CEP89: variants seen among roughly 807,000 people sequenced by gnomAD.
The protein encoded by CEP89 is centrosomal protein of 89 kDa.
In CEP89, 95 loss-of-function variants were observed where a neutral mutation model predicts 97.6. The observed-to-expected ratio is 0.97, with a 90% CI of 0.82 to 1.15. CEP89 has a LOEUF of 1.15. Among genes scored for constraint, CEP89 ranks in the 50% most tolerant of loss-of-function variants. CEP89 has a pLI of 0.00. For missense variants in CEP89, 869 were observed against 947.7 expected, an observed-to-expected ratio of 0.92 and a Z score of 1.09; for synonymous variants, 354 against 349.1, an observed-to-expected ratio of 1.01 and a Z score of -0.16.
chr19:32,887,960 G>A, intron 16 of CEP89, 119 bp from the exon 17 acceptor site: 1 of 661,780 alleles, frequency 1.5e-6, no homozygotes, highest in South Asian at 1.8e-5. Flanking sequence ...AACCTGTCCT[G>A]CCTCAACCCC....
chr19:32,944,816 T>G (rs149286935), intron 5 of CEP89, among the ~76,000 whole-genome samples: 90 of 152,144 alleles, frequency 5.9e-4, no homozygotes, highest in Non-Finnish European at 9.9e-4. Context: ...CTCGCTAGAG[T>G]GCAGAGGGAT....
In CEP89 at chr19:32,887,774, C is replaced by T; in HGVS notation, c.1943G>A (p.Gly648Glu). ...NKVIKSNIRL[G>E]KLEEKVKGYK... The stretch of plus-strand genomic sequence containing the variant: ...TACCTTGACTTTTTCCTCTAACTTT[C>T]CCAGGCGAATGTTGCTTTTTATGAC... Residue 648 changes from glycine (G) to glutamate (E), a missense_variant, in exon 17 of 19, where the codon GGA becomes GAA. Transcript: ENST00000305768. 6.2e-7 allele frequency: 1 copy of T among 1,612,498 alleles called. No homozygotes were observed.
At position 32,889,931 on chromosome 19, in the gene CEP89, G is replaced by T. The variant is rs532341720; in HGVS notation, c.1876-2090C>A. 3.9e-5 allele frequency among the ~76,000 whole-genome samples: 6 copies of T among 152,222 alleles called. No homozygotes were observed. In the East Asian group the frequency reaches 1.2e-3, roughly 29 times the overall value. On this transcript the variant is annotated intron_variant, in intron 16 of 18. Coordinates refer to ENST00000305768, the MANE Select transcript of CEP89 (RefSeq NM_032816.5). ...GGCACTTAATGCTACCACAGAGAGT[G>T]CCAGGGTTCAGCTGCCTTTCAGAGG...
chr19:32,914,851 G>C (rs7256095), intron 14 of CEP89, among the ~76,000 whole-genome samples: 1 of 151,536 alleles, frequency 6.6e-6, no homozygotes, highest in African/African-American at 2.4e-5. Flanking sequence ...GTGAAACCCC[G>C]TCTCTACCAA....
chr19:32,954,822 A>G, intron 3 of CEP89, among the ~76,000 whole-genome samples: 3 of 120,270 alleles, frequency 2.5e-5, no homozygotes, highest in Non-Finnish European at 6.3e-5. Context: ...TCGCCACCAC[A>G]CCTGGCTAAT....
chr19:32,908,791 C>T (rs1261445730), intron 14 of CEP89, among the ~76,000 whole-genome samples: 1 of 152,062 alleles, frequency 6.6e-6, no homozygotes, highest in Non-Finnish European at 1.5e-5. Flanking sequence ...GCGCTCACAC[C>T]GGGGGAATGT....
At chr19:32,939,912 AACTT>A in intron 5 of CEP89, 27 bp from the exon 6 acceptor site, 1 of 1,094,788 alleles carries the variant, frequency 9.1e-7, no homozygotes, top group Non-Finnish European at 1.4e-6. Flanking sequence ...GAGAGAGATA[AACTT>A]TTAAAGTAGA....
chr19:32,927,623 G>C lies in CEP89; in HGVS notation c.1030-639C>G, dbSNP rs533470009. 1.6e-4 allele frequency among the ~76,000 whole-genome samples: 24 copies of C among 150,796 alleles called. No individual in the cohort carries two copies. The South Asian group carries it at 5.0e-3, about 32-fold the overall frequency. ...TTTTATGTCCTTTTTTTTTCCTTCT[G>C]AGACAGGGTCTCATTCCATCACCCG... is the stretch of plus-strand genomic sequence containing the variant. On this transcript the variant is annotated intron_variant, in intron 9 of 18. Transcript: ENST00000305768.
intron 16 of CEP89, among the ~76,000 whole-genome samples, chr19:32,888,348 C>T (rs1969443309): frequency 6.6e-6 from 1 of 152,278 alleles, no homozygotes; most frequent in South Asian, 2.1e-4. Flanking sequence ...CCAGGTTGGA[C>T]GTGACCTGCT....
rs1316318527 is a variant in CEP89 at position 32,895,542 on chromosome 19, C to T, written c.1875+4315G>A. On this transcript the variant is annotated intron_variant, in intron 16 of 18. Coordinates refer to ENST00000305768, the MANE Select transcript of CEP89 (RefSeq NM_032816.5). ...AGTAGGGGAAAGCAAAAAGCCTTTC[C>T]TCTCAGAACTGAAACTAGTTAAGGA... Among the ~76,000 whole-genome samples the T allele has an allele frequency of 3.3e-5, 5 of 152,216 alleles. No individual in the cohort carries two copies. The East Asian group carries it at 9.7e-4, about 29-fold the overall frequency.
chr19:32,935,930 G>A (rs1970571292), intron 7 of CEP89, among the ~76,000 whole-genome samples: 1 of 152,182 alleles, frequency 6.6e-6, no homozygotes, highest in Admixed American at 6.5e-5. Flanking sequence ...CTGCTCCAGA[G>A]GTATGGTCAG....
At chr19:32,954,012 G>A (rs1010457815) in intron 3 of CEP89, among the ~76,000 whole-genome samples, 1 of 151,764 alleles carries the variant, frequency 6.6e-6, no homozygotes, top group African/African-American at 2.4e-5. Flanking sequence ...GGGACTACAG[G>A]TGCCCACCAC....
intron 14 of CEP89, among the ~76,000 whole-genome samples, chr19:32,910,691 C>G (rs1969983025): frequency 6.6e-6 from 1 of 151,976 alleles, no homozygotes. Flanking sequence ...ACTTTCTACA[C>G]ATTTTTTAAA....
chr19:32,895,652 C>T (rs1969624400), intron 16 of CEP89, among the ~76,000 whole-genome samples: 2 of 148,826 alleles, frequency 1.3e-5, no homozygotes, highest in South Asian at 4.7e-4. Context: ...AAAAGTCATC[C>T]AAATTAGAAA....
At chr19:32,915,062 A>C (rs1351261851) in intron 14 of CEP89, among the ~76,000 whole-genome samples, 1 of 151,958 alleles carries the variant, frequency 6.6e-6, no homozygotes, top group Admixed American at 6.6e-5. Context: ...CACCTGTGCC[A>C]CTATGCTGTG....
intron 14 of CEP89, among the ~76,000 whole-genome samples, chr19:32,912,499 C>A (rs7248010): frequency 6.6e-6 from 1 of 151,932 alleles, no homozygotes; most frequent in Admixed American, 6.6e-5. Flanking sequence ...TTCCAATGGG[C>A]TGGCCTGCCA....
intron 16 of CEP89, among the ~76,000 whole-genome samples, chr19:32,893,464 T>C (rs536909166): frequency 6.6e-6 from 1 of 152,194 alleles, no homozygotes; most frequent in South Asian, 2.1e-4. Flanking sequence ...CTCTCAGCAA[T>C]CAGATCATCA....
intron 14 of CEP89, among the ~76,000 whole-genome samples, chr19:32,905,029 A>C (rs1234870795): frequency 6.6e-6 from 1 of 152,138 alleles, no homozygotes; most frequent in Non-Finnish European, 1.5e-5. Context: ...GAATTATGTC[A>C]TTTATGAATA....
intron 17 of CEP89, among the ~76,000 whole-genome samples, chr19:32,886,027 T>C (rs1411109324): frequency 6.6e-6 from 1 of 152,182 alleles, no homozygotes; most frequent in East Asian, 1.9e-4. Context: ...CACACCCTCC[T>C]AGGCCTTGCT....
Sources: gnomAD v4.1 joint callset for allele counts (sites outside exome capture counted in the v4.1 genomes callset) on GRCh38, gnomAD v4.1.1 for gene constraint, MANE v1.5 for transcripts, NCBI Gene and HGNC (gene_info 2026-07-23, HGNC 2026-07-21) for gene names.